Variants in SEMA3E observed in about 807,000 individuals in gnomAD.
The protein encoded by SEMA3E is semaphorin 3E.
In SEMA3E, 49 loss-of-function variants were observed where a neutral mutation model predicts 93.6. The ratio of observed to expected loss-of-function variants is 0.52; its 90% CI spans 0.42 to 0.66. The LOEUF (loss-of-function observed/expected upper bound fraction) is 0.66. SEMA3E is among the 30% of genes least tolerant of loss of function. SEMA3E has a pLI of 0.00. For missense variants in SEMA3E, 906 were observed against 964.8 expected, an observed-to-expected ratio of 0.94 and a Z score of 0.81; for synonymous variants, 363 against 330.7, an observed-to-expected ratio of 1.10 and a Z score of -1.06.
intron 1 of SEMA3E, among the ~76,000 whole-genome samples, chr7:83,513,657 A>G (rs1180781950): frequency 6.6e-6 from 1 of 152,206 alleles, no homozygotes; most frequent in Non-Finnish European, 1.5e-5. Context: ...ACATATGCAC[A>G]TGCACATTCA....
intron 1 of SEMA3E, among the ~76,000 whole-genome samples, chr7:83,600,520 T>TTTTTTTTTTC (rs1491511606): frequency 9.3e-6 from 1 of 107,458 alleles, no homozygotes; most frequent in Non-Finnish European, 1.9e-5. Flanking sequence ...TTTTTTTTTT[T>TTTTTTTTTTC]GTATTTTTAG....
At chr7:83,632,244 C>A (rs1319857044) in intron 1 of SEMA3E, among the ~76,000 whole-genome samples, 1 of 151,890 alleles carries the variant, frequency 6.6e-6, no homozygotes, top group Admixed American at 6.6e-5. Context: ...TCTGGTGCTC[C>A]ATTTTAAGAG....
intron 1 of SEMA3E, among the ~76,000 whole-genome samples, chr7:83,564,415 G>A (rs1205868023): frequency 2.0e-5 from 3 of 148,910 alleles, no homozygotes; most frequent in Non-Finnish European, 3.0e-5. Context: ...GTGAGAGTCT[G>A]TATCAAAAAA....
At chr7:83,637,999 G>C (rs1294485887) in intron 1 of SEMA3E, among the ~76,000 whole-genome samples, 1 of 151,954 alleles carries the variant, frequency 6.6e-6, no homozygotes, top group African/African-American at 2.4e-5. Context: ...TAAAATTAAA[G>C]TGTTTAAAGC....
intron 1 of SEMA3E, among the ~76,000 whole-genome samples, chr7:83,535,092 A>G (rs887594484): frequency 5.9e-5 from 9 of 152,262 alleles, no homozygotes; most frequent in African/African-American, 2.2e-4. Flanking sequence ...TGTTCTCTGT[A>G]AATATGCTAA....
intron 1 of SEMA3E, among the ~76,000 whole-genome samples, chr7:83,632,589 G>A (rs1476139063): frequency 2.0e-5 from 3 of 152,162 alleles, no homozygotes; most frequent in African/African-American, 7.2e-5. Flanking sequence ...CGCCATGATA[G>A]TGAGGCTTCC....
chr7:83,463,214 C>T (rs1789669222), intron 4 of SEMA3E, among the ~76,000 whole-genome samples: 1 of 151,628 alleles, frequency 6.6e-6, no homozygotes, highest in Non-Finnish European at 1.5e-5. Context: ...TTAGCGCGGT[C>T]AGAATTCTTA....
intron 1 of SEMA3E, among the ~76,000 whole-genome samples, chr7:83,594,928 G>C (rs1213487867): frequency 6.6e-6 from 1 of 150,908 alleles, no homozygotes; most frequent in African/African-American, 2.4e-5. Flanking sequence ...GTTTGGGGAG[G>C]GCTGAGTTTT....
At chr7:83,492,995 T>C (rs1790415991) in intron 1 of SEMA3E, among the ~76,000 whole-genome samples, 1 of 151,992 alleles carries the variant, frequency 6.6e-6, no homozygotes, top group African/African-American at 2.4e-5. Flanking sequence ...GCTTTGACAA[T>C]AATTGCGTAG....
At position 83,484,585 on chromosome 7, in the gene SEMA3E, T is replaced by C. The variant is rs1346462459; in HGVS notation, c.276+5529A>G. ...TCATTGAGCCTTGAAAAATGGATAGTGGGCATTTAATTTTGCTATCTTCTT... is the reference window on the plus strand; with the variant it reads ...TCATTGAGCCTTGAAAAATGGATAGCGGGCATTTAATTTTGCTATCTTCTT... On this transcript the variant is annotated intron_variant, in intron 2 of 16. Transcript: ENST00000643230. 7.2e-5 allele frequency among the ~76,000 whole-genome samples: 11 copies of C among 152,272 alleles called. No individual in the cohort carries two copies. In the East Asian group the frequency reaches 9.7e-4, roughly 13 times the overall value.
intron 1 of SEMA3E, among the ~76,000 whole-genome samples, chr7:83,536,230 A>G (rs1172951955): frequency 1.3e-5 from 2 of 152,110 alleles, no homozygotes; most frequent in African/African-American, 4.8e-5. Context: ...TTGACCAAAT[A>G]ACATCTTTAA....
intron 1 of SEMA3E, among the ~76,000 whole-genome samples, chr7:83,595,860 T>A (rs886485170): frequency 6.6e-6 from 1 of 152,034 alleles, no homozygotes; most frequent in Admixed American, 6.6e-5. Context: ...ACTGAAAAGG[T>A]TTTTTTCTTT....
chr7:83,367,413 A>G lies in SEMA3E; in HGVS notation c.*173T>C. The G allele has an allele frequency of 1.5e-6, 1 of 658,850 alleles. No homozygotes were observed. Among genetic ancestry groups the G allele is most frequent in the Non-Finnish European group, 2.6e-6 (1 of 384,704 alleles). 40.8% of individuals were successfully genotyped at this position (658,850 alleles called of 1,614,324 possible). A position where few individuals can be genotyped will look rare whatever the true frequency, so the allele number is the denominator to read the frequency against. ...TTAAAAAATTAGTTAATTTTATGTA[A>G]AGTTTATCCAGTCAAATGAGTATGT... On this transcript the variant is annotated 3_prime_UTR_variant, in exon 17 of 17. Coordinates refer to ENST00000643230, the MANE Select transcript of SEMA3E (RefSeq NM_012431.3).
chr7:83,546,237 T>C (rs897903258), intron 1 of SEMA3E, among the ~76,000 whole-genome samples: 1 of 149,424 alleles, frequency 6.7e-6, no homozygotes, highest in African/African-American at 2.5e-5. Context: ...CCTGAATAAC[T>C]ATAGGCTTAC....
intron 2 of SEMA3E, among the ~76,000 whole-genome samples, chr7:83,482,022 C>T (rs1377012166): frequency 6.6e-6 from 1 of 152,148 alleles, no homozygotes; most frequent in African/African-American, 2.4e-5. Flanking sequence ...TTAGTCCTCA[C>T]ATCAGTTTAG....
intron 1 of SEMA3E, among the ~76,000 whole-genome samples, chr7:83,579,980 G>C (rs958901368): frequency 6.6e-6 from 1 of 151,944 alleles, no homozygotes; most frequent in Non-Finnish European, 1.5e-5. Context: ...TCTTGCTTTT[G>C]CTCAGTTTAG....
chr7:83,610,549 A>G (rs539130662), intron 1 of SEMA3E, among the ~76,000 whole-genome samples: 2 of 152,216 alleles, frequency 1.3e-5, no homozygotes, highest in East Asian at 1.9e-4. Flanking sequence ...AGCCCATTCT[A>G]GAAAATATGA....
chr7:83,414,581 GA>G (rs1470778792), intron 5 of SEMA3E, among the ~76,000 whole-genome samples: 1 of 151,974 alleles, frequency 6.6e-6, no homozygotes, highest in East Asian at 1.9e-4. Context: ...AAAAGTGTAG[GA>G]AAAATTCATG....
intron 11 of SEMA3E, among the ~76,000 whole-genome samples, 159 bp from the exon 12 acceptor site, chr7:83,396,888 G>T (rs1164496624): frequency 1.3e-5 from 2 of 152,006 alleles, no homozygotes; most frequent in Admixed American, 6.6e-5. Flanking sequence ...AGACTAGCCT[G>T]GCCAAGAAGG....
Sources: allele counts gnomAD v4.1 joint callset (sites outside exome capture counted in the v4.1 genomes callset), GRCh38; gene constraint gnomAD v4.1.1; transcripts MANE v1.5; gene names NCBI Gene and HGNC (gene_info 2026-07-23, HGNC 2026-07-21).